The following TXNL4B variants were observed in gnomAD, a reference collection of about 807,000 sequenced individuals.
The protein encoded by TXNL4B is thioredoxin-like protein 4B.
A neutral mutation model predicts 13.0 loss-of-function variants in TXNL4B; 12 were observed. The ratio of observed to expected loss-of-function variants is 0.92; its 90% CI spans 0.59 to 1.49. The LOEUF is 1.49. Among genes scored for constraint, TXNL4B ranks in the 40% most tolerant of loss-of-function variants. TXNL4B has a pLI of 0.00. For synonymous variants in TXNL4B, 59 were observed against 58.9 expected (o/e 1.00, Z -0.01); for missense variants, 214 against 173.6 (o/e 1.23, Z -1.31).
Position 72,085,428 on chromosome 16 carries a change from T to C in TXNL4B, c.*1209A>G, listed in dbSNP as rs2041808834. 6.0e-6 allele frequency: 1 copy of C among 166,116 alleles called. No individual in the cohort carries two copies. Among genetic ancestry groups the C allele is most frequent in the Admixed American group, 6.4e-5 (1 of 15,656 alleles). The allele number at this position is 166,116 out of a possible 1,614,324, so 10.3% of individuals were successfully genotyped here. On this transcript the variant is annotated 3_prime_UTR_variant, in exon 4 of 4. Coordinates refer to ENST00000268483, the MANE Select transcript of TXNL4B (RefSeq NM_017853.3). Reference sequence around the variant, plus strand: ...CACCACGAGGTTTAAAGAGGAGCAGTAACTTGCCCACGGTTGCGCCAGGCA... The same window carrying C: ...CACCACGAGGTTTAAAGAGGAGCAGCAACTTGCCCACGGTTGCGCCAGGCA...
chr16:72,088,703 C>G (rs1194437393), intron 3 of TXNL4B, among the ~76,000 whole-genome samples: 2 of 152,142 alleles, frequency 1.3e-5, no homozygotes, highest in Non-Finnish European at 2.9e-5. Flanking sequence ...GATGGTAGTG[C>G]TTTGCCACCT....
At chr16:72,088,584 C>G (rs989523040) in intron 3 of TXNL4B, among the ~76,000 whole-genome samples, 1 of 152,170 alleles carries the variant, frequency 6.6e-6, no homozygotes, top group African/African-American at 2.4e-5. Flanking sequence ...ACTTACCAGT[C>G]CAAAAGCTTA....
intron 2 of TXNL4B, 146 bp from the exon 3 acceptor site, chr16:72,089,284 G>C: frequency 1.6e-6 from 1 of 639,438 alleles, no homozygotes; most frequent in South Asian, 2.1e-5. Context: ...ATTAGACAAA[G>C]CATAACCCCA....
intron 3 of TXNL4B, among the ~76,000 whole-genome samples, chr16:72,087,963 G>A (rs2144099704): frequency 6.6e-6 from 1 of 152,300 alleles, no homozygotes; most frequent in Admixed American, 6.5e-5. Flanking sequence ...GGGACTACAT[G>A]CGCCCGCCAC....
chr16:72,091,843 T>C (rs2041909959), intron 1 of TXNL4B, among the ~76,000 whole-genome samples: 1 of 152,146 alleles, frequency 6.6e-6, no homozygotes, highest in South Asian at 2.1e-4. Context: ...TACAACCCCG[T>C]CATTTTACAA....
chr16:72,089,143 A>G lies in TXNL4B; in HGVS notation c.133-5T>C. The stretch of plus-strand genomic sequence containing the variant: ...GTCAGAAGAGGTCTTAGAAAGCTGC[A>G]AATGACGAGAGAGACAAAGGTTACA... On this transcript the variant is annotated splice_polypyrimidine_tract_variant and splice_region_variant and intron_variant, in intron 2 of 3. Coordinates refer to ENST00000268483, the MANE Select transcript of TXNL4B (RefSeq NM_017853.3). 1 of 1,605,650 alleles carries G rather than the reference A, an allele frequency of 6.2e-7. No individual in the cohort carries two copies. The highest frequency in any genetic ancestry group is 8.5e-7 in the Non-Finnish European group (1 of 1,174,648).
At chr16:72,087,870 A>T (rs2041846343) in intron 3 of TXNL4B, among the ~76,000 whole-genome samples, 1 of 151,964 alleles carries the variant, frequency 6.6e-6, no homozygotes. Flanking sequence ...CCCAGGATGG[A>T]GTGCAGTGGC....
chr16:72,093,864 G>A (rs1281031075), upstream of TXNL4B: 1 of 152,322 alleles, frequency 6.6e-6, no homozygotes, highest in South Asian at 2.1e-4. Context: ...TCCAGGAATC[G>A]GGCGTGTTCC....
intron 2 of TXNL4B, chr16:72,089,976 T>C (rs1192170494): frequency 1.2e-5 from 5 of 403,670 alleles, no homozygotes; most frequent in Admixed American, 2.7e-5. Flanking sequence ...CTCTGTGGTA[T>C]TTCCTCCTGC....
At position 72,085,569 on chromosome 16, in the gene TXNL4B, A is replaced by G. The variant is rs943782142; in HGVS notation, c.*1068T>C. 1.3e-5 allele frequency: 2 copies of G among 152,102 alleles called. No homozygotes were observed. Among genetic ancestry groups the G allele is most frequent in the Admixed American group, 1.3e-4 (2 of 15,272 alleles). The allele number at this position is 152,102 out of a possible 1,614,324, so 9.4% of individuals were successfully genotyped here. ...TTTAGTTTTGAGCCTTAGTAATCCAATTTTCTGCCTCAGGAAGAGGCAGCA... is the reference window on the plus strand; with the variant it reads ...TTTAGTTTTGAGCCTTAGTAATCCAGTTTTCTGCCTCAGGAAGAGGCAGCA... On this transcript the variant is annotated 3_prime_UTR_variant, in exon 4 of 4. Transcript: ENST00000268483.
chr16:72,086,569 AGCACAGCTGGATTCAGGTACT>A lies in TXNL4B; in HGVS notation c.*47_*67del. 6.9e-7 allele frequency: 1 copy of A among 1,456,680 alleles called. No homozygotes were observed. The highest frequency in any genetic ancestry group is 1.4e-5 in the African/African-American group (1 of 71,500). 90.2% of individuals were successfully genotyped at this position (1,456,680 alleles called of 1,614,324 possible). ...TGTTTCCAAAGGACTCCAGAAACAC[AGCACAGCTGGATTCAGGTACT>A]GTGTCAAGATGTGCCTTCTTCTTCA... On this transcript the variant is annotated 3_prime_UTR_variant, in exon 4 of 4. Transcript: ENST00000268483.
In TXNL4B at chr16:72,092,701, T is replaced by C. The variant is rs3829538; in HGVS notation, c.-38+666A>G. 1.7e-3 allele frequency among the ~76,000 whole-genome samples: 261 copies of C among 152,180 alleles called. 2 individuals carry two copies. The East Asian group carries it at 0.043, about 25-fold the overall frequency. ...GGCTAGGGGTGCAACTGGACAAACGTTGGAAGCAGGAGAGGAAAACTGAGA... is the reference window on the plus strand; with the variant it reads ...GGCTAGGGGTGCAACTGGACAAACGCTGGAAGCAGGAGAGGAAAACTGAGA... On this transcript the variant is annotated intron_variant, in intron 1 of 3. Transcript: ENST00000268483.
Position 72,086,646 on chromosome 16 carries a change from T to C in TXNL4B, c.441A>G (p.Gln147=). 1 of 1,612,722 alleles carries C rather than the reference T, an allele frequency of 6.2e-7. No individual in the cohort carries two copies. Among genetic ancestry groups the C allele is most frequent in the Non-Finnish European group, 8.5e-7 (1 of 1,178,830 alleles). ...GACAGCAATTAATGTACTAAATGTC[T>C]TGATAGAGAAGGTCATATTTGGGAA... is the stretch of plus-strand genomic sequence containing the variant. ...KNIPKYDLLY[Q]DI Residue 147 remains glutamine, a synonymous_variant, in exon 4 of 4, where the codon CAA becomes CAG. Transcript: ENST00000268483.
chr16:72,092,480 A>G (rs1326187146), intron 1 of TXNL4B, among the ~76,000 whole-genome samples: 1 of 152,216 alleles, frequency 6.6e-6, no homozygotes, highest in Non-Finnish European at 1.5e-5. Flanking sequence ...TGTTCCAGCT[A>G]TAGGTCATAC....
intron 3 of TXNL4B, among the ~76,000 whole-genome samples, chr16:72,088,113 C>A (rs1348047587): frequency 1.3e-5 from 2 of 152,100 alleles, no homozygotes; most frequent in African/African-American, 4.8e-5. Context: ...GCCACTGCGC[C>A]TGGCCATGCC....
chr16:72,090,356 G>A (rs2041886502), intron 2 of TXNL4B, among the ~76,000 whole-genome samples: 1 of 152,182 alleles, frequency 6.6e-6, no homozygotes, highest in African/African-American at 2.4e-5. Context: ...ACAGATGCTT[G>A]TTAATAGTTT....
intron 1 of TXNL4B, among the ~76,000 whole-genome samples, chr16:72,092,164 T>C (rs12708926): frequency 0.47 from 71,385 of 152,092 alleles, 18,677 homozygotes; most frequent in African/African-American, 0.71. Context: ...ATCCCAGCAC[T>C]TTGGGAGGCC....
At chr16:72,090,141 T>G (rs1210328842) in intron 2 of TXNL4B, 1 of 455,898 alleles carries the variant, frequency 2.2e-6, no homozygotes, top group Non-Finnish European at 4.4e-6. Context: ...CTGGGTTAGG[T>G]CTCTCTCTGC....
chr16:72,085,846 A>G lies in TXNL4B; in HGVS notation c.*791T>C, dbSNP rs1208876145. The G allele has an allele frequency of 6.6e-6, 1 of 152,212 alleles. No homozygotes were observed. Among genetic ancestry groups the G allele is most frequent in the African/African-American group, 2.4e-5 (1 of 41,430 alleles). 9.4% of individuals were successfully genotyped at this position (152,212 alleles called of 1,614,324 possible). A position where few individuals can be genotyped will look rare whatever the true frequency, so the allele number is the denominator to read the frequency against. On this transcript the variant is annotated 3_prime_UTR_variant, in exon 4 of 4. Coordinates refer to ENST00000268483, the MANE Select transcript of TXNL4B (RefSeq NM_017853.3). ...GGTGAAACTGCGCCTCTATAAAAAT[A>G]CAAAAAATTAGCTGGGCATGGTGGC... is the stretch of plus-strand genomic sequence containing the variant.
Sources: allele counts gnomAD v4.1 joint callset (sites outside exome capture counted in the v4.1 genomes callset), GRCh38; gene constraint gnomAD v4.1.1; transcripts MANE v1.5; gene names NCBI Gene and HGNC (gene_info 2026-07-23, HGNC 2026-07-21).